EZH1: variants seen among roughly 807,000 people sequenced by gnomAD.
EZH1 encodes histone-lysine N-methyltransferase EZH1.
A neutral mutation model predicts 100.5 loss-of-function variants in EZH1; 33 were observed. That is an observed-to-expected ratio of 0.33 (90% CI 0.25 to 0.44). The LOEUF (loss-of-function observed/expected upper bound fraction) is 0.44. Among genes scored for constraint, EZH1 ranks in the 20% least tolerant of loss-of-function variants. The probability of loss-of-function intolerance (pLI) is 1.00; values close to 1 mark genes in which losing one functional copy is unlikely to be tolerated. For missense variants in EZH1, 475 were observed against 928.4 expected (o/e 0.51, Z 6.35); for synonymous variants, 272 against 313.8 (o/e 0.87, Z 1.41).
At chr17:42,707,891 G>A in intron 15 of EZH1, 67 bp downstream of exon 15, 2 of 1,603,136 alleles carry the variant, frequency 1.2e-6, no homozygotes, top group East Asian at 2.2e-5. Flanking sequence ...CACAGGAATG[G>A]GGCAAGCCTA....
At chr17:42,721,969 G>A (rs2053715090) in intron 6 of EZH1, among the ~76,000 whole-genome samples, 1 of 151,876 alleles carries the variant, frequency 6.6e-6, no homozygotes, top group South Asian at 2.1e-4. Context: ...GGCTCACACG[G>A]TGAAACCCCA....
At chr17:42,703,922 T>C in intron 18 of EZH1, 102 bp from the exon 19 acceptor site, 1 of 854,290 alleles carries the variant, frequency 1.2e-6, no homozygotes, top group South Asian at 1.4e-5. Flanking sequence ...AACACTTTAG[T>C]CTGATGGGAA....
intron 1 of EZH1, 150 bp downstream of exon 1, chr17:42,744,861 G>A (rs1175029149): frequency 3.7e-6 from 3 of 810,276 alleles, no homozygotes; most frequent in East Asian, 2.5e-4. Flanking sequence ...AATGAGGAGG[G>A]GCGCCTGCTA....
In EZH1 at chr17:42,702,969, C is replaced by T. The variant is rs2053275261; in HGVS notation, c.2099-8G>A. On this transcript the variant is annotated splice_polypyrimidine_tract_variant and splice_region_variant and intron_variant, in intron 19 of 20. Transcript: ENST00000428826. Reference sequence around the variant, plus strand: ...CTCCATTCACCATGACCACTGCAAGCAGGATAAACCCGAGGCTAGGTTCCT... The same window carrying T: ...CTCCATTCACCATGACCACTGCAAGTAGGATAAACCCGAGGCTAGGTTCCT... The T allele has an allele frequency of 1.2e-6, 2 of 1,613,934 alleles. No individual in the cohort carries two copies. The highest frequency in any genetic ancestry group is 1.1e-5 in the South Asian group (1 of 91,072).
At chr17:42,707,654 G>A (rs533479721) in intron 15 of EZH1, among the ~76,000 whole-genome samples, 14 of 152,212 alleles carry the variant, frequency 9.2e-5, no homozygotes, top group Admixed American at 9.2e-4. Flanking sequence ...CCAAAGTGCT[G>A]GGATTACAGG....
chr17:42,744,013 C>T (rs984770997), intron 1 of EZH1, among the ~76,000 whole-genome samples: 2 of 152,038 alleles, frequency 1.3e-5, no homozygotes, highest in African/African-American at 4.8e-5. Flanking sequence ...GTTTTCATTG[C>T]CATCCTTGCA....
intron 18 of EZH1, among the ~76,000 whole-genome samples, chr17:42,704,181 T>C (rs2053302461): frequency 6.6e-6 from 1 of 152,172 alleles, no homozygotes; most frequent in Non-Finnish European, 1.5e-5. Context: ...CCTTGCTCTA[T>C]GCATCTGCTG....
chr17:42,711,889 GAGCAGCAGCTGCAGCAGCTGCAGC>G (rs1567988172), intron 12 of EZH1, among the ~76,000 whole-genome samples: 1 of 86,390 alleles, frequency 1.2e-5, no homozygotes, highest in African/African-American at 9.1e-5. Context: ...GTGGTGGAGG[GAGCAGCAGCTGCAGCAGCTGCAGC>G]AGCAGCAGCA....
chr17:42,721,621 T>G (rs973625056), intron 6 of EZH1, among the ~76,000 whole-genome samples: 1 of 151,842 alleles, frequency 6.6e-6, no homozygotes, highest in Non-Finnish European at 1.5e-5. Flanking sequence ...TTAACTAGGA[T>G]ACTTTAAATA....
At chr17:42,708,976 G>A (rs1597827318) in intron 13 of EZH1, 60 bp from the exon 14 acceptor site, 2 of 1,597,746 alleles carry the variant, frequency 1.3e-6, no homozygotes, top group Non-Finnish European at 1.7e-6. Context: ...GCAAATGCAG[G>A]TAAATGACAA....
chr17:42,722,710 T>C (rs2053738713), intron 6 of EZH1, 85 bp downstream of exon 6: 2 of 1,422,364 alleles, frequency 1.4e-6, no homozygotes, highest in Admixed American at 2.0e-5. Flanking sequence ...GGGCAGAAGA[T>C]AAAAGCAAGA....
chr17:42,715,697 T>C (rs1314015681), intron 10 of EZH1, among the ~76,000 whole-genome samples: 5 of 152,104 alleles, frequency 3.3e-5, no homozygotes, highest in African/African-American at 9.7e-5. Flanking sequence ...ACAACCAGCC[T>C]GGAACTTTTA....
intron 4 of EZH1, among the ~76,000 whole-genome samples, chr17:42,727,226 C>T (rs1178235855): frequency 6.6e-6 from 1 of 152,106 alleles, no homozygotes; most frequent in Non-Finnish European, 1.5e-5. Flanking sequence ...ATCTATTAAC[C>T]TTAACCTTAT....
chr17:42,722,743 AG>A, intron 6 of EZH1, 51 bp downstream of exon 6: 1 of 1,582,322 alleles, frequency 6.3e-7, no homozygotes, highest in Non-Finnish European at 8.6e-7. Flanking sequence ...GAGGTACCAA[AG>A]AAGAGGCCTG....
chr17:42,705,196 G>A lies in EZH1; in HGVS notation c.1840-13C>T, dbSNP rs1043021485. 6.2e-7 allele frequency: 1 copy of A among 1,600,162 alleles called. No homozygotes were observed. The highest frequency in any genetic ancestry group is 8.6e-7 in the Non-Finnish European group (1 of 1,169,122). On this transcript the variant is annotated splice_polypyrimidine_tract_variant and intron_variant, in intron 16 of 20. Transcript: ENST00000428826. ...CCAGCAGCAGGTGCTGGGGAAGAGG[G>A]GGCCAAGTCTCAGACTACAGGGTGT...
At chr17:42,743,519 G>A (rs1014188746) in intron 1 of EZH1, among the ~76,000 whole-genome samples, 1 of 150,922 alleles carries the variant, frequency 6.6e-6, no homozygotes, top group African/African-American at 2.4e-5. Flanking sequence ...ACCCAGACTG[G>A]AGTGCAGTGG....
At chr17:42,726,045 A>G (rs531873658) in intron 4 of EZH1, among the ~76,000 whole-genome samples, 3 of 151,686 alleles carry the variant, frequency 2.0e-5, no homozygotes, top group African/African-American at 4.8e-5. Flanking sequence ...CGCTCGGCCA[A>G]TTTTTGTATT....
chr17:42,740,419 A>G (rs2054155476), intron 1 of EZH1, among the ~76,000 whole-genome samples: 1 of 152,060 alleles, frequency 6.6e-6, no homozygotes, highest in Admixed American at 6.6e-5. Context: ...TTTGCATTTC[A>G]GTAGAGACAG....
At chr17:42,723,842 C>T (rs941238079) in intron 5 of EZH1, among the ~76,000 whole-genome samples, 5 of 152,094 alleles carry the variant, frequency 3.3e-5, no homozygotes, top group Non-Finnish European at 5.9e-5. Context: ...ACAAATAATC[C>T]TAGTAGGAGT....
Sources: gnomAD v4.1 joint callset for allele counts (sites outside exome capture counted in the v4.1 genomes callset) on GRCh38, gnomAD v4.1.1 for gene constraint, MANE v1.5 for transcripts, NCBI Gene and HGNC (gene_info 2026-07-23, HGNC 2026-07-21) for gene names.